MAGEA10: variants seen among roughly 807,000 people sequenced by gnomAD.
MAGEA10 encodes melanoma-associated antigen 10.
A neutral mutation model predicts 8.6 loss-of-function variants in MAGEA10; 7 were observed. The ratio of observed to expected loss-of-function variants is 0.82; its 90% CI spans 0.46 to 1.53. The LOEUF (loss-of-function observed/expected upper bound fraction) is 1.53. Ranked by LOEUF, MAGEA10 falls within the 40% of genes most tolerant of loss-of-function variation. The pLI is 0.01. For synonymous variants in MAGEA10, 125 were observed against 107.4 expected (o/e 1.16, Z -1.02); for missense variants, 293 against 274.0 (o/e 1.07, Z -0.49).
rs761732676 is a variant in MAGEA10 at position 152,133,929 on chromosome X, TAA to T, written c.*580_*581del. The T allele has an allele frequency of 3.2e-5, 3 of 94,621 alleles. No individual in the cohort carries two copies. 7.8% of individuals were successfully genotyped at this position (94,621 alleles called of 1,213,427 possible). A position where few individuals can be genotyped will look rare whatever the true frequency, so the allele number is the denominator to read the frequency against. On this transcript the variant is annotated 3_prime_UTR_variant, in exon 4 of 4. Coordinates refer to ENST00000370323, the MANE Select transcript of MAGEA10 (RefSeq NM_021048.5). Reference sequence around the variant, plus strand: ...CCAGAGCAATAGAGTGAGACTTTGTTAAAAAAAAAAAAAGAAGAAGAAGAAAA... The same window carrying T: ...CCAGAGCAATAGAGTGAGACTTTGTTAAAAAAAAAAAGAAGAAGAAGAAAA...
chrX:152,136,473 C>T (rs1463698044), intron 2 of MAGEA10, among the ~76,000 whole-genome samples: 1 of 110,694 alleles, frequency 9.0e-6, no homozygotes, highest in East Asian at 2.9e-4. Flanking sequence ...CTTTGTTGAT[C>T]TGAGGCCACT....
intron 1 of MAGEA10, 63 bp downstream of exon 1, chrX:152,138,412 C>A: frequency 9.4e-6 from 1 of 106,689 alleles, no homozygotes; most frequent in East Asian, 3.1e-4. Flanking sequence ...AGAGGCAGCG[C>A]TGTATTATTT....
chrX:152,134,418 CT>C lies in MAGEA10; in HGVS notation c.*92del, dbSNP rs34509899. ...CTACTCTCTACTTCCATGATACCAACTTTTTTTTTTTTTTTTTTTAGATTCC... is the reference window on the plus strand; with the variant it reads ...CTACTCTCTACTTCCATGATACCAACTTTTTTTTTTTTTTTTTTAGATTCC... On this transcript the variant is annotated 3_prime_UTR_variant, in exon 4 of 4. Coordinates refer to ENST00000370323, the MANE Select transcript of MAGEA10 (RefSeq NM_021048.5). The C allele has an allele frequency of 0.22, 112,678 of 508,500 alleles. 289 individuals are homozygous for C. Among genetic ancestry groups the C allele is most frequent in the East Asian group, 0.25 (5,520 of 22,466 alleles). 41.9% of individuals were successfully genotyped at this position (508,500 alleles called of 1,213,427 possible).
In MAGEA10 at chrX:152,138,558, A is replaced by T. The variant is rs1369670395; in HGVS notation, c.-322T>A. On this transcript the variant is annotated 5_prime_UTR_variant, in exon 1 of 4. Transcript: ENST00000370323. ...AGAACGAGAACCTCGCTTCTCTCTG[A>T]TCCCCGAGGCGTAAGTTAGTGGCGT... 2 of 103,756 alleles carry T rather than the reference A, an allele frequency of 1.9e-5. No homozygotes were observed. Among genetic ancestry groups the T allele is most frequent in the East Asian group, 6.2e-4 (2 of 3,247 alleles). 8.6% of individuals were successfully genotyped at this position (103,756 alleles called of 1,213,427 possible).
chrX:152,135,500 ATG>A lies in MAGEA10; in HGVS notation c.119_120del (p.Ser40PhefsTer37). On this transcript the variant is annotated frameshift_variant, in exon 4 of 4. Transcript: ENST00000370323. LOFTEE classifies it low-confidence loss of function (END_TRUNC). ...APLAVEEDAS[S>X]STSTSSSFPS... ...GGAAAAGAGGAGCTGGTGGAAGTGG[ATG>A]ATGAAGCATCCTCCTCCACAGCCAG... 8.4e-7 allele frequency: 1 copy of A among 1,194,644 alleles called. No homozygotes were observed. The highest frequency in any genetic ancestry group is 1.1e-6 in the Non-Finnish European group (1 of 887,303).
At position 152,133,467 on chromosome X, in the gene MAGEA10, A is replaced by G. The variant is rs1936596723; in HGVS notation, c.*1044T>C. The G allele has an allele frequency of 8.9e-6, 1 of 112,480 alleles. No individual in the cohort carries two copies. Among genetic ancestry groups the G allele is most frequent in the South Asian group, 3.7e-4 (1 of 2,733 alleles). 9.3% of individuals were successfully genotyped at this position (112,480 alleles called of 1,213,427 possible). On this transcript the variant is annotated 3_prime_UTR_variant, in exon 4 of 4. Coordinates refer to ENST00000370323, the MANE Select transcript of MAGEA10 (RefSeq NM_021048.5). The stretch of plus-strand genomic sequence containing the variant: ...TTTTTTTCATATTTCCAAGAAAATT[A>G]CTATTCCAATTCCATGTTATTTTAT...
At position 152,135,462 on chromosome X, in the gene MAGEA10, G is replaced by GGGAAAAGAGGAT. The variant is rs750860953; in HGVS notation, c.147_158dup (p.Phe52_Ser55dup). Reference sequence around the variant, plus strand: ...AGGAGGAGGAGGAAGAGGAGGAGGAGGGAAAAGAGGATGGAAAAGAGGAGC... The same window carrying GGGAAAAGAGGAT: ...AGGAGGAGGAGGAAGAGGAGGAGGAGGGAAAAGAGGATGGAAAAGAGGATGGAAAAGAGGAGC... On this transcript the variant is annotated inframe_insertion, in exon 4 of 4. Coordinates refer to ENST00000370323, the MANE Select transcript of MAGEA10 (RefSeq NM_021048.5). 4 of 1,198,756 alleles carry GGGAAAAGAGGAT rather than the reference G, an allele frequency of 3.3e-6. No individual in the cohort carries two copies. The South Asian group carries it at 7.4e-5, about 22-fold the overall frequency.
chrX:152,134,858 G>A lies in MAGEA10; in HGVS notation c.763C>T (p.Leu255=). The A allele has an allele frequency of 8.3e-7, 1 of 1,211,250 alleles. No individual in the cohort carries two copies. Among genetic ancestry groups the A allele is most frequent in the Non-Finnish European group, 1.1e-6 (1 of 895,296 alleles). The stretch of plus-strand genomic sequence containing the variant: ...ATGAGGTGCTCCATCCCATCATACA[G>A]CCCCATCATATTCAGTGCTTCCCAG... ...VIWEALNMMG[L]YDGMEHLIYG... Residue 255 remains leucine (L), a synonymous_variant, in exon 4 of 4, where the codon CTG becomes TTG. Coordinates refer to ENST00000370323, the MANE Select transcript of MAGEA10 (RefSeq NM_021048.5).
chrX:152,135,676 A>G lies in MAGEA10; in HGVS notation c.-56T>C. ...TGTGGGCAGGACTTGGGCGATGGGG[A>G]CCCACAGGCCTGGGGAGAGAGGGAG... On this transcript the variant is annotated 5_prime_UTR_variant, in exon 4 of 4. Coordinates refer to ENST00000370323, the MANE Select transcript of MAGEA10 (RefSeq NM_021048.5). 1 of 1,054,179 alleles carries G rather than the reference A, an allele frequency of 9.5e-7. No homozygotes were observed. The highest frequency in any genetic ancestry group is 1.3e-6 in the Non-Finnish European group (1 of 794,802). 86.9% of individuals were successfully genotyped at this position (1,054,179 alleles called of 1,213,427 possible).
chrX:152,135,463 G>T lies in MAGEA10; in HGVS notation c.158C>A (p.Pro53His). Residue 53 changes from proline to histidine, a missense_variant, in exon 4 of 4, where the codon CCC becomes CAC. Transcript: ENST00000370323. ...STSSSFPSSF[P>H]SSSSSSSSSC... ...GGAGGAGGAGGAAGAGGAGGAGGAGGGAAAAGAGGATGGAAAAGAGGAGCT... is the reference window on the plus strand; with the variant it reads ...GGAGGAGGAGGAAGAGGAGGAGGAGTGAAAAGAGGATGGAAAAGAGGAGCT... 1 of 1,198,565 alleles carries T rather than the reference G, an allele frequency of 8.3e-7. No homozygotes were observed. Among genetic ancestry groups the T allele is most frequent in the Non-Finnish European group, 1.1e-6 (1 of 889,107 alleles).
In MAGEA10 at chrX:152,135,605, T is replaced by G; in HGVS notation, c.16A>C (p.Lys6Gln). 1.8e-6 allele frequency: 2 copies of G among 1,136,308 alleles called. No homozygotes were observed. The highest frequency in any genetic ancestry group is 2.3e-6 in the Non-Finnish European group (2 of 859,618). 93.6% of individuals were successfully genotyped at this position (1,136,308 alleles called of 1,213,427 possible). A position where few individuals can be genotyped will look rare whatever the true frequency, so the allele number is the denominator to read the frequency against. MPRAP[K>Q]RQRCMPEEDL... ...TCTTCAGGCATGCAGCGCTGACGCTTTGGAGCTCGAGGCATGATGACTCTG... is the reference window on the plus strand; with the variant it reads ...TCTTCAGGCATGCAGCGCTGACGCTGTGGAGCTCGAGGCATGATGACTCTG... The change falls in exon 4 of 4, where the codon AAG becomes CAG. Residue 6 changes from lysine (K) to glutamine (Q), a missense_variant. Physicochemically the swap from Lys to Gln is moderately conservative, Grantham distance 53. Coordinates refer to ENST00000370323, the MANE Select transcript of MAGEA10 (RefSeq NM_021048.5).
At position 152,135,851 on chromosome X, in the gene MAGEA10, G is replaced by C. The variant is rs1936663732; in HGVS notation, c.-139-17C>G. 3 of 301,633 alleles carry C rather than the reference G, an allele frequency of 9.9e-6. No homozygotes were observed. Among genetic ancestry groups the C allele is most frequent in the Non-Finnish European group, 1.8e-5 (3 of 167,812 alleles). The allele number at this position is 301,633 out of a possible 1,213,427, so 24.9% of individuals were successfully genotyped here. On this transcript the variant is annotated splice_polypyrimidine_tract_variant and intron_variant, in intron 2 of 3. Coordinates refer to ENST00000370323, the MANE Select transcript of MAGEA10 (RefSeq NM_021048.5). Reference sequence around the variant, plus strand: ...CCTGAGAACCTGAAGAAGGAAGTGAGAGATGGCTCCTCAGGATGCAGCCGG... The same window carrying C: ...CCTGAGAACCTGAAGAAGGAAGTGACAGATGGCTCCTCAGGATGCAGCCGG...
Position 152,134,324 on chromosome X carries a change from T to C in MAGEA10, c.*187A>G, listed in dbSNP as rs1232829214. 5.0e-6 allele frequency: 2 copies of C among 401,332 alleles called. No homozygotes were observed. The highest frequency in any genetic ancestry group is 3.8e-5 in the East Asian group (1 of 26,282). The allele number at this position is 401,332 out of a possible 1,213,427, so 33.1% of individuals were successfully genotyped here. On this transcript the variant is annotated 3_prime_UTR_variant, in exon 4 of 4. Transcript: ENST00000370323. The stretch of plus-strand genomic sequence containing the variant: ...ATATACAATATCTTAATGTTAACTA[T>C]AGTCATCCTACTGTGCAATAGAACA...
intron 2 of MAGEA10, 91 bp from the exon 3 acceptor site, chrX:152,135,925 A>G (rs1219525436): frequency 1.3e-5 from 3 of 229,590 alleles, no homozygotes; most frequent in Admixed American, 6.6e-5. Flanking sequence ...GAGCTGATGC[A>G]GTGGGGTCCA....
At position 152,135,137 on chromosome X, in the gene MAGEA10, C is replaced by T. The variant is rs776275648; in HGVS notation, c.484G>A (p.Glu162Lys). 1 of 1,211,408 alleles carries T rather than the reference C, an allele frequency of 8.3e-7. No homozygotes were observed. Among genetic ancestry groups the T allele is most frequent in the African/African-American group, 1.7e-5 (1 of 57,799 alleles). Residue 162 changes from glutamate to lysine, a missense_variant, in exon 4 of 4, where the codon GAG (glutamate) becomes AAG (lysine). Transcript: ENST00000370323. The stretch of plus-strand genomic sequence containing the variant: ...TCTTCATAATTTCTTATGACACTCT[C>T]CAGTATTTCTGCCTTTGTGATCGGC... Reference protein sequence around the residue: ...KEPITKAEILESVIRNYEDHF... With the variant: ...KEPITKAEILKSVIRNYEDHF...
In MAGEA10 at chrX:152,134,950, G is replaced by A; in HGVS notation, c.671C>T (p.Thr224Ile). Reference protein sequence around the residue: ...MLSDVQSMPKTGILILILSIV... With the variant: ...MLSDVQSMPKIGILILILSIV... ...GCTTAGGATAAGTATGAGAATGCCA[G>A]TCTTGGGCATGCTCTGGACATCACT... The change falls in exon 4 of 4, where the codon ACT becomes ATT. Residue 224 changes from threonine (T) to isoleucine (I), a missense_variant. By Grantham distance (89) the Thr-to-Ile change is moderately conservative (BLOSUM62 -1). Transcript: ENST00000370323. 2.5e-6 allele frequency: 3 copies of A among 1,210,902 alleles called. No homozygotes were observed. Among genetic ancestry groups the A allele is most frequent in the Non-Finnish European group, 3.4e-6 (3 of 894,871 alleles).
At position 152,138,483 on chromosome X, in the gene MAGEA10, C is replaced by G. The variant is rs1004170917; in HGVS notation, c.-247G>C. 9.2e-6 allele frequency: 1 copy of G among 108,356 alleles called. No individual in the cohort carries two copies. Among genetic ancestry groups the G allele is most frequent in the Non-Finnish European group, 1.9e-5 (1 of 52,403 alleles). 8.9% of individuals were successfully genotyped at this position (108,356 alleles called of 1,213,427 possible). A position where few individuals can be genotyped will look rare whatever the true frequency, so the allele number is the denominator to read the frequency against. On this transcript the variant is annotated 5_prime_UTR_variant, in exon 1 of 4. Transcript: ENST00000370323. ...CTCCCTCAGCCTCTCACCTTGCCTC[C>G]TCACAGAGCCTGGGCCCGCTCTCTT... is the stretch of plus-strand genomic sequence containing the variant.
rs1333241230 is a variant in MAGEA10, at chrX:152,135,513, C to G, written c.108G>C (p.Glu36Asp). The change falls in exon 4 of 4, where the codon GAG (glutamate) becomes GAC (aspartate). Residue 36 changes from glutamate (E) to aspartate (D), a missense_variant. Glu to Asp is a conservative substitution (Grantham distance 45). Coordinates refer to ENST00000370323, the MANE Select transcript of MAGEA10 (RefSeq NM_021048.5). ...TGGTGGAAGTGGATGATGAAGCATC[C>G]TCCTCCACAGCCAGGGGAGCCTGTG... ...EGAQAPLAVE[E>D]DASSSTSTSS... 4 of 1,186,945 alleles carry G rather than the reference C, an allele frequency of 3.4e-6. No homozygotes were observed. Among genetic ancestry groups the G allele is most frequent in the Non-Finnish European group, 4.5e-6 (4 of 883,879 alleles).
chrX:152,135,516 C>T lies in MAGEA10; in HGVS notation c.105G>A (p.Glu35=). Residue 35 remains glutamate (E), a synonymous_variant, in exon 4 of 4, where the codon GAG becomes GAA. Coordinates refer to ENST00000370323, the MANE Select transcript of MAGEA10 (RefSeq NM_021048.5). The part of the protein sequence containing the change: ...LEGAQAPLAV[E]EDASSSTSTS... ...TGGAAGTGGATGATGAAGCATCCTC[C>T]TCCACAGCCAGGGGAGCCTGTGCAC... The T allele has an allele frequency of 8.4e-7, 1 of 1,186,739 alleles. No homozygotes were observed. The highest frequency in any genetic ancestry group is 1.1e-6 in the Non-Finnish European group (1 of 883,228).
Sources: allele counts gnomAD v4.1 joint callset (sites outside exome capture counted in the v4.1 genomes callset), GRCh38; gene constraint gnomAD v4.1.1; transcripts MANE v1.5; gene names NCBI Gene and HGNC (gene_info 2026-07-23, HGNC 2026-07-21).